The following PNPLA8 variants were observed in gnomAD, a reference collection of about 807,000 sequenced individuals.
PNPLA8 encodes the protein patatin like domain 8, phospholipase A2, also known as calcium-independent phospholipase A2-gamma.
In PNPLA8, 39 loss-of-function variants were observed where a neutral mutation model predicts 76.9. The observed-to-expected ratio is 0.51, with a 90% CI of 0.39 to 0.66. The LOEUF (loss-of-function observed/expected upper bound fraction) is 0.66, where lower values mean the gene tolerates loss of function less well. Among genes scored for constraint, PNPLA8 ranks in the 30% least tolerant of loss-of-function variants. The pLI is 0.00. For missense variants in PNPLA8, 887 were observed against 918.0 expected, an observed-to-expected ratio of 0.97 and a Z score of 0.44; for synonymous variants, 301 against 307.9, an observed-to-expected ratio of 0.98 and a Z score of 0.24.
chr7:108,475,406 C>G (rs1859917888), intron 10 of PNPLA8, among the ~76,000 whole-genome samples: 1 of 152,084 alleles, frequency 6.6e-6, no homozygotes, highest in African/African-American at 2.4e-5. Flanking sequence ...TATTCTGGGT[C>G]CTTTGCATAT....
intron 10 of PNPLA8, among the ~76,000 whole-genome samples, chr7:108,473,682 A>G (rs1456417402): frequency 1.3e-5 from 2 of 152,168 alleles, no homozygotes; most frequent in East Asian, 1.9e-4. Flanking sequence ...AGTCATTTGT[A>G]TATCTTCTTT....
At chr7:108,490,438 G>A (rs1861064424) in intron 8 of PNPLA8, among the ~76,000 whole-genome samples, 1 of 152,196 alleles carries the variant, frequency 6.6e-6, no homozygotes, top group African/African-American at 2.4e-5. Context: ...ATCATTAAGT[G>A]ATGCATGATT....
intron 5 of PNPLA8, 126 bp from the exon 6 acceptor site, chr7:108,497,703 A>C (rs1402693089): frequency 2.2e-6 from 1 of 460,962 alleles, no homozygotes; most frequent in Non-Finnish European, 3.7e-6. Context: ...TAATAATATA[A>C]ATCAAAATCA....
At chr7:108,506,404 T>TG (rs1218488785) in intron 4 of PNPLA8, among the ~76,000 whole-genome samples, 1 of 151,830 alleles carries the variant, frequency 6.6e-6, no homozygotes, top group African/African-American at 2.4e-5. Flanking sequence ...AATAAAGTGT[T>TG]GGAGAGAAAG....
At chr7:108,528,096 A>G (rs1002452169), upstream of PNPLA8, 2 of 152,130 alleles carry the variant, frequency 1.3e-5, no homozygotes, top group African/African-American at 4.8e-5. Context: ...TTACCGCAGA[A>G]TTTCTTGAAT....
In PNPLA8 at chr7:108,496,632, C is replaced by T; in HGVS notation, c.1577G>A (p.Ser526Asn). The T allele has an allele frequency of 6.2e-7, 1 of 1,608,396 alleles. No homozygotes were observed. Among genetic ancestry groups the T allele is most frequent in the Non-Finnish European group, 8.5e-7 (1 of 1,177,884 alleles). The change falls in exon 7 of 11, where the codon AGT (serine) becomes AAT (asparagine). Residue 526 changes from serine to asparagine, a missense_variant. By Grantham distance (46) the Ser-to-Asn change is conservative (BLOSUM62 1). Coordinates refer to ENST00000257694, the MANE Select transcript of PNPLA8 (RefSeq NM_001256007.3). ...QNVIVGTVKM[S>N]WSHAFYDSQT... ...ACTGTCATAAAATGCATGGCTCCAACTCATTTTTACTGTTCCAACAATGAC... is the reference window on the plus strand; with the variant it reads ...ACTGTCATAAAATGCATGGCTCCAATTCATTTTTACTGTTCCAACAATGAC...
At chr7:108,523,778 C>T (rs1863902743) in intron 1 of PNPLA8, among the ~76,000 whole-genome samples, 1 of 152,144 alleles carries the variant, frequency 6.6e-6, no homozygotes, top group Non-Finnish European at 1.5e-5. Context: ...CCAAGCTGAC[C>T]ACTTTCTGAT....
rs1861577231 is a variant in PNPLA8, at chr7:108,496,744, C to T, written c.1465G>A (p.Ala489Thr). The T allele has an allele frequency of 6.2e-7, 1 of 1,609,086 alleles. No individual in the cohort carries two copies. The highest frequency in any genetic ancestry group is 1.3e-5 in the African/African-American group (1 of 74,618). Residue 489 changes from alanine to threonine, a missense_variant, in exon 7 of 11, where the codon GCT (alanine) becomes ACT (threonine). Transcript: ENST00000257694. ...ATATGAAACAACCCCAACATGAAAGCTAATATGGCACCTGGAAAAAAGAAT... is the reference window on the plus strand; with the variant it reads ...ATATGAAACAACCCCAACATGAAAGTTAATATGGCACCTGGAAAAAAGAAT... ...ICGVSTGAIL[A>T]FMLGLFHMPL...
At chr7:108,522,511 C>T (rs1354139012) in intron 1 of PNPLA8, among the ~76,000 whole-genome samples, 1 of 152,092 alleles carries the variant, frequency 6.6e-6, no homozygotes, top group East Asian at 1.9e-4. Context: ...AGTTGTCCTG[C>T]CCTTCCAAAT....
At chr7:108,502,819 G>A (rs1862063836) in intron 4 of PNPLA8, 177 bp from the exon 5 acceptor site, 1 of 417,592 alleles carries the variant, frequency 2.4e-6, no homozygotes, top group Non-Finnish European at 4.2e-6. Context: ...CAATTTTCTA[G>A]ATTACATTTG....
chr7:108,502,669 T>G lies in PNPLA8; in HGVS notation c.1207-27A>C, dbSNP rs772979570. The stretch of plus-strand genomic sequence containing the variant: ...TATATTGAGAGAAAAGATACTTTGT[T>G]GCTTTTGTCAAATCAAGACTGAAAA... On this transcript the variant is annotated intron_variant, in intron 4 of 10. Coordinates refer to ENST00000257694, the MANE Select transcript of PNPLA8 (RefSeq NM_001256007.3). The G allele has an allele frequency of 2.6e-6, 4 of 1,567,074 alleles. No individual in the cohort carries two copies. In the South Asian group the frequency reaches 4.5e-5, roughly 18 times the overall value.
intron 10 of PNPLA8, among the ~76,000 whole-genome samples, chr7:108,476,777 T>TAC (rs774514777): frequency 6.6e-6 from 1 of 152,098 alleles, no homozygotes; most frequent in Non-Finnish European, 1.5e-5. Flanking sequence ...TTACAGTATA[T>TAC]ACACACACAC....
intron 1 of PNPLA8, among the ~76,000 whole-genome samples, chr7:108,523,158 G>C (rs1863861315): frequency 6.6e-6 from 1 of 152,222 alleles, no homozygotes; most frequent in African/African-American, 2.4e-5. Context: ...CAAACACTTA[G>C]AGAAGGGAAT....
At chr7:108,525,029 T>A in intron 1 of PNPLA8, among the ~76,000 whole-genome samples, 1 of 152,282 alleles carries the variant, frequency 6.6e-6, no homozygotes, top group Middle Eastern at 3.4e-3. Flanking sequence ...TCATTCAACA[T>A]CACTCATTAA....
intron 10 of PNPLA8, among the ~76,000 whole-genome samples, chr7:108,475,694 C>T (rs1403921942): frequency 1.3e-5 from 2 of 152,044 alleles, no homozygotes; most frequent in African/African-American, 4.8e-5. Context: ...TCCACAACTC[C>T]CACTGAGACT....
rs558309190 is a variant in PNPLA8, at chr7:108,515,224, C to T, written c.268G>A (p.Ala90Thr). 1 of 1,602,520 alleles carries T rather than the reference C, an allele frequency of 6.2e-7. No homozygotes were observed. Among genetic ancestry groups the T allele is most frequent in the African/African-American group, 1.3e-5 (1 of 74,614 alleles). Residue 90 changes from alanine (A) to threonine (T), a missense_variant, in exon 3 of 11, where the codon GCT becomes ACT. Physicochemically the swap from Ala to Thr is moderately conservative, Grantham distance 58. Coordinates refer to ENST00000257694, the MANE Select transcript of PNPLA8 (RefSeq NM_001256007.3). The stretch of plus-strand genomic sequence containing the variant: ...TTCACTTTTGTAAGTCCCTTGGGAG[C>T]AGAAGTGCTAAGTTTCAAAATCCCA... ...HIGILKLSTS[A>T]PKGLTKVNIC...
At chr7:108,525,567 G>A (rs981901710) in intron 1 of PNPLA8, among the ~76,000 whole-genome samples, 3 of 152,152 alleles carry the variant, frequency 2.0e-5, no homozygotes, top group Admixed American at 2.0e-4. Context: ...AATGTGGATG[G>A]GGTCAGAAAG....
Position 108,497,508 on chromosome 7 carries a change from A to G in PNPLA8, c.1428T>C (p.Phe476=). The change falls in exon 6 of 11, where the codon TTT becomes TTC. Residue 476 remains phenylalanine (F), a synonymous_variant. Transcript: ENST00000257694. The part of the protein sequence containing the change: ...ELTQKPVHQL[F]DYICGVSTGA... ...CTGTGCTTACACCACAAATGTAATC[A>G]AAGAGCTGATGAACTGGCTTCTGAG... 6.2e-7 allele frequency: 1 copy of G among 1,610,990 alleles called. No individual in the cohort carries two copies. The highest frequency in any genetic ancestry group is 1.7e-5 in the Admixed American group (1 of 59,806).
chr7:108,524,557 G>C (rs1250855122), intron 1 of PNPLA8, among the ~76,000 whole-genome samples: 1 of 152,190 alleles, frequency 6.6e-6, no homozygotes, highest in African/African-American at 2.4e-5. Flanking sequence ...AGGTGCGGTG[G>C]CTCAGGCCTG....
Sources: gnomAD v4.1 joint callset for allele counts (sites outside exome capture counted in the v4.1 genomes callset) on GRCh38, gnomAD v4.1.1 for gene constraint, MANE v1.5 for transcripts, NCBI Gene and HGNC (gene_info 2026-07-23, HGNC 2026-07-21) for gene names.